SNTG1: variants seen among roughly 807,000 people sequenced by gnomAD.
The protein encoded by SNTG1 is syntrophin gamma 1.
SNTG1 carries 39 observed loss-of-function variants against 74.7 expected under a neutral mutation model. That is an observed-to-expected ratio of 0.52 (90% CI 0.40 to 0.68). The LOEUF (loss-of-function observed/expected upper bound fraction) is 0.68, where lower values mean the gene tolerates loss of function less well. Among genes scored for constraint, SNTG1 ranks in the 30% least tolerant of loss-of-function variants. SNTG1 has a pLI of 0.00. For missense variants in SNTG1, 685 were observed against 609.5 expected (o/e 1.12, Z -1.30); for synonymous variants, 254 against 217.1 (o/e 1.17, Z -1.49).
intron 2 of SNTG1, among the ~76,000 whole-genome samples, chr8:50,344,356 G>T (rs1368852234): frequency 1.3e-5 from 2 of 152,180 alleles, no homozygotes; most frequent in Non-Finnish European, 2.9e-5. Flanking sequence ...ATAGAAGATA[G>T]CTTGTTTCTG....
At chr8:50,730,338 G>C (rs2095510021) in intron 17 of SNTG1, among the ~76,000 whole-genome samples, 1 of 152,136 alleles carries the variant, frequency 6.6e-6, no homozygotes, top group Non-Finnish European at 1.5e-5. Context: ...TATTTAAAAG[G>C]CTTTGAAATA....
chr8:49,944,791 G>GAA (rs112235757), intron 1 of SNTG1, among the ~76,000 whole-genome samples: 4 of 129,154 alleles, frequency 3.1e-5, no homozygotes, highest in African/African-American at 5.5e-5. Flanking sequence ...TCACCTGCAA[G>GAA]AAAAAAAAAA....
At chr8:50,300,518 G>C (rs1266859632) in intron 2 of SNTG1, among the ~76,000 whole-genome samples, 1 of 152,072 alleles carries the variant, frequency 6.6e-6, no homozygotes, top group African/African-American at 2.4e-5. Context: ...AAGTACTTAA[G>C]TTAAAATTGG....
chr8:50,459,491 T>A (rs757970738), intron 8 of SNTG1, among the ~76,000 whole-genome samples: 18 of 152,196 alleles, frequency 1.2e-4, no homozygotes, highest in Non-Finnish European at 2.1e-4. Context: ...AAATGAAATA[T>A]ACCCTTTTTA....
intron 8 of SNTG1, among the ~76,000 whole-genome samples, chr8:50,487,390 T>C (rs555981011): frequency 2.7e-4 from 41 of 152,252 alleles, no homozygotes; most frequent in African/African-American, 7.7e-4. Flanking sequence ...CATGCACACG[T>C]TTATTTATTG....
chr8:50,002,327 C>T (rs1474519821), intron 1 of SNTG1, among the ~76,000 whole-genome samples: 1 of 151,910 alleles, frequency 6.6e-6, no homozygotes, highest in African/African-American at 2.4e-5. Flanking sequence ...GTTGTCTTCC[C>T]AAGTACCTTG....
At chr8:50,530,330 C>A in intron 10 of SNTG1, 71 bp downstream of exon 10, 1 of 1,347,906 alleles carries the variant, frequency 7.4e-7, no homozygotes. Flanking sequence ...GCTAGTGAAT[C>A]TGATTTATCT....
chr8:50,341,048 A>C (rs1053027917), intron 2 of SNTG1, among the ~76,000 whole-genome samples: 1 of 151,986 alleles, frequency 6.6e-6, no homozygotes, highest in Non-Finnish European at 1.5e-5. Context: ...AGATTGTTTG[A>C]GTTTTACTTA....
chr8:49,994,721 C>T, intron 1 of SNTG1, among the ~76,000 whole-genome samples: 1 of 151,038 alleles, frequency 6.6e-6, no homozygotes, highest in East Asian at 1.9e-4. Flanking sequence ...TTTCTCTGAA[C>T]CTAAGAAACA....
chr8:49,986,820 A>G (rs533216471), intron 1 of SNTG1, among the ~76,000 whole-genome samples: 2 of 152,220 alleles, frequency 1.3e-5, no homozygotes, highest in South Asian at 4.1e-4. Context: ...AGTCAAGGCC[A>G]TGATCGTGCC....
intron 9 of SNTG1, among the ~76,000 whole-genome samples, chr8:50,514,044 G>A (rs2094110343): frequency 6.6e-6 from 1 of 152,062 alleles, no homozygotes; most frequent in Non-Finnish European, 1.5e-5. Flanking sequence ...TTCCTATTTG[G>A]CCATCTTGGC....
At chr8:50,668,801 G>A (rs2095263384) in intron 15 of SNTG1, among the ~76,000 whole-genome samples, 2 of 151,894 alleles carry the variant, frequency 1.3e-5, no homozygotes, top group South Asian at 4.1e-4. Context: ...CCCTGCAAAG[G>A]ACATGATCTC....
chr8:50,415,698 T>C (rs1312757003), intron 4 of SNTG1, among the ~76,000 whole-genome samples: 2 of 152,102 alleles, frequency 1.3e-5, no homozygotes, highest in Non-Finnish European at 2.9e-5. Flanking sequence ...TAATTTTGCA[T>C]GATGCTTGCT....
intron 1 of SNTG1, among the ~76,000 whole-genome samples, chr8:50,067,843 T>A (rs1049692691): frequency 2.6e-5 from 4 of 152,180 alleles, no homozygotes; most frequent in African/African-American, 9.6e-5. Flanking sequence ...TCTGCAGTAC[T>A]CGGGCACACA....
chr8:50,248,017 T>G (rs1265950567), intron 2 of SNTG1, among the ~76,000 whole-genome samples: 1 of 152,180 alleles, frequency 6.6e-6, no homozygotes, highest in African/African-American at 2.4e-5. Flanking sequence ...GTCTTCTCCC[T>G]GTGTCTCTTC....
rs184480800 is a variant in SNTG1, at chr8:50,160,614, C to A, written c.-102-11947C>A. 2.1e-3 allele frequency among the ~76,000 whole-genome samples: 313 copies of A among 146,224 alleles called. 1 individual carries two copies. The highest frequency in any genetic ancestry group is 8.0e-3 in the African/African-American group (297 of 37,068). On this transcript the variant is annotated intron_variant, in intron 1 of 18. Transcript: ENST00000642720. ...AATAACATAGTGTATTAGTAAATAT[C>A]CCTGAATAACAAGGCATGTGATTTG...
intron 8 of SNTG1, among the ~76,000 whole-genome samples, chr8:50,483,715 T>G (rs1315513087): frequency 6.6e-6 from 1 of 152,200 alleles, no homozygotes; most frequent in Non-Finnish European, 1.5e-5. Context: ...TGTGCAAACA[T>G]TTTGTGATAA....
intron 1 of SNTG1, among the ~76,000 whole-genome samples, chr8:50,095,431 G>T (rs2079891537): frequency 6.6e-6 from 1 of 152,192 alleles, no homozygotes; most frequent in Admixed American, 6.5e-5. Context: ...TGCTCAAAAT[G>T]AAGAAAGTCA....
chr8:50,228,432 C>T (rs1012263508), intron 2 of SNTG1, among the ~76,000 whole-genome samples: 2 of 151,796 alleles, frequency 1.3e-5, no homozygotes, highest in Admixed American at 1.3e-4. Flanking sequence ...CCAAAATGAA[C>T]AATCAATGCC....
Sources: allele counts gnomAD v4.1 joint callset (sites outside exome capture counted in the v4.1 genomes callset), GRCh38; gene constraint gnomAD v4.1.1; transcripts MANE v1.5; gene names NCBI Gene and HGNC (gene_info 2026-07-23, HGNC 2026-07-21).